Variants in PSPC1 observed in about 807,000 individuals in gnomAD.
PSPC1 encodes paraspeckle protein 1.
A neutral mutation model predicts 51.6 loss-of-function variants in PSPC1; 14 were observed. That is an observed-to-expected ratio of 0.27 (90% CI 0.18 to 0.42). The LOEUF is 0.42. Ranked by LOEUF, PSPC1 falls within the 10% of genes least tolerant of loss-of-function variation. The pLI is 1.00. For synonymous variants in PSPC1, 193 were observed against 231.9 expected (o/e 0.83, Z 1.53); for missense variants, 406 against 701.1 (o/e 0.58, Z 4.75).
downstream of PSPC1, chr13:19,702,350 AC>A (rs1880017729): frequency 6.6e-6 from 1 of 152,142 alleles, no homozygotes; most frequent in African/African-American, 2.4e-5. Flanking sequence ...AGCCAACCCA[AC>A]AGTATTGTTT....
At chr13:19,735,070 G>T (rs1013916797) in intron 5 of PSPC1, among the ~76,000 whole-genome samples, 1 of 152,060 alleles carries the variant, frequency 6.6e-6, no homozygotes, top group African/African-American at 2.4e-5. Context: ...CCAGCGCTTT[G>T]GGAGGACAAG....
chr13:19,691,454 T>C (rs1565962514), intron 6 of PSPC1, among the ~76,000 whole-genome samples: 1 of 152,068 alleles, frequency 6.6e-6, no homozygotes. Flanking sequence ...GCCTAGGAGT[T>C]TGAGGCTGCG....
At chr13:19,724,983 G>A (rs1206272696) in intron 6 of PSPC1, among the ~76,000 whole-genome samples, 2 of 151,592 alleles carry the variant, frequency 1.3e-5, no homozygotes, top group African/African-American at 2.4e-5. Context: ...TGGCGAGACA[G>A]CAAGACTCCG....
At position 19,751,178 on chromosome 13, in the gene PSPC1, C is replaced by T. The variant is rs1341953481; in HGVS notation, c.967+93G>A. 1.2e-5 allele frequency: 13 copies of T among 1,040,180 alleles called. No individual in the cohort carries two copies. In the African/African-American group the frequency reaches 2.1e-4, roughly 17 times the overall value. 64.4% of individuals were successfully genotyped at this position (1,040,180 alleles called of 1,614,324 possible). A position where few individuals can be genotyped will look rare whatever the true frequency, so the allele number is the denominator to read the frequency against. On this transcript the variant is annotated intron_variant, in intron 4 of 8. Transcript: ENST00000338910. Reference sequence around the variant, plus strand: ...GAGTTCCAACTTTACCTCTAAACTCCTAAATGGCACTTTACACAGTAGTAC... The same window carrying T: ...GAGTTCCAACTTTACCTCTAAACTCTTAAATGGCACTTTACACAGTAGTAC...
intron 4 of PSPC1, among the ~76,000 whole-genome samples, chr13:19,742,405 A>G (rs1885529397): frequency 1.3e-5 from 2 of 152,140 alleles, no homozygotes; most frequent in Admixed American, 1.3e-4. Flanking sequence ...GGAGTTCGAG[A>G]CCAGCCTGAG....
intron 5 of PSPC1, among the ~76,000 whole-genome samples, chr13:19,730,967 A>AAAAAAAAAAAAAAAAAAC (rs1566002419): frequency 1.4e-5 from 2 of 140,454 alleles, no homozygotes; most frequent in Admixed American, 7.2e-5. Context: ...CAAAAAAACA[A>AAAAAAAAAAAAAAAAAAC]AAAAAAAAAA....
At chr13:19,720,694 A>G (rs1246160474) in intron 6 of PSPC1, among the ~76,000 whole-genome samples, 1 of 152,192 alleles carries the variant, frequency 6.6e-6, no homozygotes, top group African/African-American at 2.4e-5. Flanking sequence ...TTAAAATCAT[A>G]TATAGAAAAA....
intron 5 of PSPC1, among the ~76,000 whole-genome samples, chr13:19,740,687 T>C (rs1299521935): frequency 6.6e-6 from 1 of 152,226 alleles, no homozygotes; most frequent in African/African-American, 2.4e-5. Context: ...TATACCATTA[T>C]ATTTTGCAAT....
At chr13:19,672,920 G>A, downstream of PSPC1, 1 of 364,876 alleles carries the variant, frequency 2.7e-6, no homozygotes, top group South Asian at 2.2e-5. Context: ...GTAACATGGG[G>A]TGGAACAAGC....
intron 6 of PSPC1, among the ~76,000 whole-genome samples, chr13:19,691,586 G>C (rs1018396536): frequency 1.3e-5 from 2 of 151,966 alleles, no homozygotes; most frequent in African/African-American, 4.8e-5. Context: ...TGAATGAAAA[G>C]ACTTGATGGG....
intron 4 of PSPC1, among the ~76,000 whole-genome samples, chr13:19,750,663 A>C (rs1279906784): frequency 6.6e-6 from 1 of 151,970 alleles, no homozygotes; most frequent in African/African-American, 2.4e-5. Flanking sequence ...ACCTACCAAA[A>C]TTTGCCTGCT....
chr13:19,756,791 G>A (rs543961226), intron 3 of PSPC1, among the ~76,000 whole-genome samples: 5 of 151,908 alleles, frequency 3.3e-5, no homozygotes, highest in East Asian at 2.0e-4. Context: ...CACTGTGCCC[G>A]GCCCTAAGAA....
chr13:19,767,154 C>T (rs139736359), intron 2 of PSPC1, among the ~76,000 whole-genome samples: 124 of 149,652 alleles, frequency 8.3e-4, no homozygotes, highest in African/African-American at 2.5e-3. Flanking sequence ...ATTAAAAATA[C>T]GAAAAAAAAT....
chr13:19,697,990 T>C (rs1191118238), downstream of PSPC1, among the ~76,000 whole-genome samples: 2 of 152,078 alleles, frequency 1.3e-5, no homozygotes, highest in African/African-American at 4.8e-5. Flanking sequence ...ATTCCAAACA[T>C]GGCAAAGTGA....
intron 6 of PSPC1, among the ~76,000 whole-genome samples, chr13:19,685,892 G>A (rs547748083): frequency 4.6e-5 from 7 of 152,008 alleles, no homozygotes; most frequent in Non-Finnish European, 7.4e-5. Context: ...CCCTTTACAT[G>A]TCTTCAGAGG....
chr13:19,677,505 A>G (rs1036764080), intron 7 of PSPC1, among the ~76,000 whole-genome samples: 8 of 152,186 alleles, frequency 5.3e-5, no homozygotes, highest in Middle Eastern at 3.2e-3. Flanking sequence ...TTGCTGAGAT[A>G]TGATGCCAGG....
In PSPC1 at chr13:19,769,783, A is replaced by G. The variant is rs148967732; in HGVS notation, c.674+2459T>C. Among the ~76,000 whole-genome samples the G allele has an allele frequency of 3.7e-4, 57 of 152,188 alleles. No individual in the cohort carries two copies. In the East Asian group the frequency reaches 0.01, roughly 27 times the overall value. ...ATAAAAATAATAAAAATAAAAAATA[A>G]AAACACCAAGTGTGGGTAAAATGTG... On this transcript the variant is annotated intron_variant, in intron 2 of 8. Coordinates refer to ENST00000338910, the MANE Select transcript of PSPC1 (RefSeq NM_001354909.2).
At chr13:19,727,574 A>G (rs1011410741) in intron 6 of PSPC1, among the ~76,000 whole-genome samples, 1 of 152,206 alleles carries the variant, frequency 6.6e-6, no homozygotes, top group Non-Finnish European at 1.5e-5. Context: ...CCAAGAAGCA[A>G]TGTTTACTCC....
At chr13:19,698,900 G>C (rs1879569450), downstream of PSPC1, among the ~76,000 whole-genome samples, 1 of 151,300 alleles carries the variant, frequency 6.6e-6, no homozygotes, top group African/African-American at 2.4e-5. Context: ...TATTCAAAAG[G>C]AAAAAATGTC....
Sources: gnomAD v4.1 joint callset for allele counts (sites outside exome capture counted in the v4.1 genomes callset) on GRCh38, gnomAD v4.1.1 for gene constraint, MANE v1.5 for transcripts, NCBI Gene and HGNC (gene_info 2026-07-23, HGNC 2026-07-21) for gene names.